MAPKAPK5: variants seen among roughly 807,000 people sequenced by gnomAD.
MAPKAPK5 encodes MAP kinase-activated protein kinase 5.
In MAPKAPK5, 30 loss-of-function variants were observed where a neutral mutation model predicts 65.1. The ratio of observed to expected loss-of-function variants is 0.46; its 90% CI spans 0.34 to 0.63. MAPKAPK5 has a LOEUF of 0.63. Among genes scored for constraint, MAPKAPK5 ranks in the 20% least tolerant of loss-of-function variants. The probability of loss-of-function intolerance (pLI) is 0.01; values close to 1 mark genes in which losing one functional copy is unlikely to be tolerated. For synonymous variants in MAPKAPK5, 179 were observed against 204.6 expected (o/e 0.87, Z 1.07); for missense variants, 433 against 581.4 (o/e 0.74, Z 2.63).
intron 13 of MAPKAPK5, among the ~76,000 whole-genome samples, chr12:111,891,637 CA>C (rs78504500): frequency 3.5e-3 from 298 of 86,216 alleles, no homozygotes; most frequent in African/African-American, 5.6e-3. Flanking sequence ...ACTAAAAATA[CA>C]AAAAAAAAAA....
In MAPKAPK5 at chr12:111,883,536, G is replaced by A. The variant is rs529746245; in HGVS notation, c.661-45G>A. On this transcript the variant is annotated intron_variant, in intron 8 of 13. Coordinates refer to ENST00000550735, the MANE Select transcript of MAPKAPK5 (RefSeq NM_003668.4). This position sits in a 1 kb window ranked among gnomAD's most constrained non-coding sequence, Gnocchi z 4.8. ...GCCTGTCATGGGGTGTTTATTTGGGGGCTCTGCTTCTGCTGTGAGTGACCA... is the reference window on the plus strand; with the variant it reads ...GCCTGTCATGGGGTGTTTATTTGGGAGCTCTGCTTCTGCTGTGAGTGACCA... 159 of 1,567,142 alleles carry A rather than the reference G, an allele frequency of 1.0e-4. 1 individual carries two copies. The South Asian group carries it at 1.8e-3, about 18-fold the overall frequency.
chr12:111,865,558 C>T (rs1412485028), intron 2 of MAPKAPK5, among the ~76,000 whole-genome samples: 1 of 151,940 alleles, frequency 6.6e-6, no homozygotes, highest in African/African-American at 2.4e-5. Context: ...TCGAGACTGG[C>T]CAGGCGCGGT....
intron 1 of MAPKAPK5, among the ~76,000 whole-genome samples, chr12:111,864,000 C>T (rs1201073523): frequency 6.6e-6 from 1 of 152,042 alleles, no homozygotes; most frequent in African/African-American, 2.4e-5. Context: ...AAATATGTGA[C>T]TTTCTTGCCT....
intron 7 of MAPKAPK5, among the ~76,000 whole-genome samples, chr12:111,878,393 T>C (rs1187841006): frequency 6.6e-6 from 1 of 151,162 alleles, no homozygotes; most frequent in African/African-American, 2.4e-5. Context: ...GCACCATTTG[T>C]TGTTCTATTT....
rs564949554 is a variant in MAPKAPK5, at chr12:111,885,933, C to G, written c.866C>G (p.Pro289Arg). Reference sequence around the variant, plus strand: ...CTCCACAGGCTCCTGAAGGTCAAACCGGAGGAGAGACTCACCATCGAGGGA... The same window carrying G: ...CTCCACAGGCTCCTGAAGGTCAAACGGGAGGAGAGACTCACCATCGAGGGA... ...DVVRKLLKVK[P>R]EERLTIEGVL... is the part of the protein sequence containing the mutation. Residue 289 changes from proline (P) to arginine (R), a missense_variant, in exon 10 of 14, where the codon CCG (proline) becomes CGG (arginine). Around this residue, in one of 3 missense-constraint regions of MAPKAPK5, gnomAD observed 99 missense variants for 185.8 expected, o/e 0.53. Coordinates refer to ENST00000550735, the MANE Select transcript of MAPKAPK5 (RefSeq NM_003668.4). 6.2e-7 allele frequency: 1 copy of G among 1,613,902 alleles called. No homozygotes were observed. Among genetic ancestry groups the G allele is most frequent in the Non-Finnish European group, 8.5e-7 (1 of 1,179,852 alleles).
chr12:111,882,940 G>A, intron 8 of MAPKAPK5: 2 of 715,546 alleles, frequency 2.8e-6, no homozygotes, highest in Non-Finnish European at 3.4e-6. Context: ...TCTGGCTGGG[G>A]CAAAGCATCC....
At position 111,846,538 on chromosome 12, in the gene MAPKAPK5, C is replaced by T. The variant is rs2068912001; in HGVS notation, c.36+3769C>T. The stretch of plus-strand genomic sequence containing the variant: ...TTTGAGACGGTCTTGCTCTGATGCC[C>T]AGGCTGGAGTGCAGTGGCGTGATCT... On this transcript the variant is annotated intron_variant, in intron 1 of 13. Coordinates refer to ENST00000550735, the MANE Select transcript of MAPKAPK5 (RefSeq NM_003668.4). 2.0e-5 allele frequency among the ~76,000 whole-genome samples: 3 copies of T among 150,946 alleles called. No individual in the cohort carries two copies. The South Asian group carries it at 6.3e-4, about 31-fold the overall frequency.
chr12:111,876,496 A>T (rs190637210), intron 7 of MAPKAPK5, among the ~76,000 whole-genome samples: 60 of 152,126 alleles, frequency 3.9e-4, no homozygotes, highest in African/African-American at 1.4e-3. Context: ...CAATTTGATT[A>T]TGTATGCATT....
intron 9 of MAPKAPK5, chr12:111,885,314 G>A (rs2070366014): frequency 6.6e-6 from 1 of 152,304 alleles, no homozygotes; most frequent in Non-Finnish European, 1.5e-5. Flanking sequence ...TGAACAAGAT[G>A]GAAAGAAGCA....
Position 111,894,923 on chromosome 12 carries a change from T to TTGATCTCAC in MAPKAPK5, c.*1863_*1871dup, listed in dbSNP as rs1279020122. 6.6e-6 allele frequency: 1 copy of TTGATCTCAC among 151,962 alleles called. No individual in the cohort carries two copies. The highest frequency in any genetic ancestry group is 2.4e-5 in the African/African-American group (1 of 41,340). The allele number at this position is 151,962 out of a possible 1,614,324, so 9.4% of individuals were successfully genotyped here. ...CTCATCTCATTCTCTTCGATCAAAA[T>TTGATCTCAC]TGATCTCACCAGCAACTTATTTTCT... is the stretch of plus-strand genomic sequence containing the variant. On this transcript the variant is annotated 3_prime_UTR_variant, in exon 14 of 14. Transcript: ENST00000550735.
At chr12:111,891,090 T>TTTTTG (rs1220626273) in intron 13 of MAPKAPK5, among the ~76,000 whole-genome samples, 1 of 151,828 alleles carries the variant, frequency 6.6e-6, no homozygotes, top group Non-Finnish European at 1.5e-5. Flanking sequence ...TTGTTGTTGT[T>TTTTTG]TTTTGTTTTG....
chr12:111,870,433 G>A (rs2069746832), intron 6 of MAPKAPK5, 73 bp downstream of exon 6: 15 of 1,227,412 alleles, frequency 1.2e-5, no homozygotes, highest in African/African-American at 1.2e-4. Flanking sequence ...TGTTTGGAGC[G>A]CTCTGAATTC....
intron 1 of MAPKAPK5, among the ~76,000 whole-genome samples, chr12:111,850,255 C>G (rs551668557): frequency 7.9e-5 from 12 of 152,254 alleles, no homozygotes; most frequent in African/African-American, 2.6e-4. Context: ...TCTCGAACTC[C>G]TGACCTTGTG....
chr12:111,879,156 A>T (rs932917722), intron 7 of MAPKAPK5, among the ~76,000 whole-genome samples: 5 of 152,190 alleles, frequency 3.3e-5, no homozygotes, highest in Admixed American at 2.6e-4. Context: ...AGCAAGCTGT[A>T]TCACTCCATT....
At chr12:111,858,382 G>GCTCT (rs1165509406) in intron 1 of MAPKAPK5, among the ~76,000 whole-genome samples, 1 of 151,756 alleles carries the variant, frequency 6.6e-6, no homozygotes, top group African/African-American at 2.4e-5. Flanking sequence ...CCCCTCTTTG[G>GCTCT]CTCTCCCATT....
intron 1 of MAPKAPK5, among the ~76,000 whole-genome samples, chr12:111,850,315 C>T (rs2069037117): frequency 6.6e-6 from 1 of 152,230 alleles, no homozygotes; most frequent in Non-Finnish European, 1.5e-5. Flanking sequence ...GCATGAGCAA[C>T]TGTGCCTGGC....
chr12:111,852,800 G>C (rs576729292), intron 1 of MAPKAPK5, among the ~76,000 whole-genome samples: 1 of 151,808 alleles, frequency 6.6e-6, no homozygotes, highest in African/African-American at 2.4e-5. Flanking sequence ...TTGAGACAGA[G>C]TCTCACTCTG....
intron 1 of MAPKAPK5, among the ~76,000 whole-genome samples, chr12:111,855,567 G>A (rs1312038935): frequency 2.6e-5 from 4 of 152,066 alleles, no homozygotes; most frequent in Non-Finnish European, 5.9e-5. Flanking sequence ...AGTGGCTCAC[G>A]CCTGTAATCC....
rs1245111257 is a variant in MAPKAPK5, at chr12:111,898,833, GC to G, written c.*5777del. 7.2e-6 allele frequency: 1 copy of G among 139,570 alleles called. No homozygotes were observed. Among genetic ancestry groups the G allele is most frequent in the Non-Finnish European group, 1.6e-5 (1 of 63,862 alleles). 8.6% of individuals were successfully genotyped at this position (139,570 alleles called of 1,614,324 possible). On this transcript the variant is annotated 3_prime_UTR_variant, in exon 14 of 14. Coordinates refer to ENST00000550735, the MANE Select transcript of MAPKAPK5 (RefSeq NM_003668.4). ...TTTCAGAGATCCCCAGAGAAGCCCT[GC>G]CCCCTTCCCCCCACCCCCTGACAGA...
Sources: gnomAD v4.1 joint callset for allele counts (sites outside exome capture counted in the v4.1 genomes callset) on GRCh38, gnomAD v4.1.1 for gene constraint, gnomAD v4.1.1 regional missense constraint, Gnocchi (gnomAD v3.1) non-coding constraint, MANE v1.5 for transcripts, NCBI Gene and HGNC (gene_info 2026-07-23, HGNC 2026-07-21) for gene names.